Variants in ELL observed in about 807,000 individuals in gnomAD.
ELL encodes the protein RNA polymerase II elongation factor ELL.
In ELL, 18 loss-of-function variants were observed where a neutral mutation model predicts 64.0. The observed-to-expected ratio is 0.28, with a 90% CI of 0.19 to 0.42. ELL has a LOEUF of 0.42. Among genes scored for constraint, ELL ranks in the 10% least tolerant of loss-of-function variants. ELL has a pLI of 1.00. For synonymous variants in ELL, 399 were observed against 376.2 expected (o/e 1.06, Z -0.70); for missense variants, 797 against 870.4 (o/e 0.92, Z 1.06).
chr19:18,507,067 A>C (rs1975897955), intron 1 of ELL, among the ~76,000 whole-genome samples: 1 of 152,228 alleles, frequency 6.6e-6, no homozygotes, highest in Admixed American at 6.5e-5. Context: ...AGCTGGACAC[A>C]GGCTGCCAGC....
rs1044882369 is a variant in ELL at position 18,450,530 on chromosome 19, G to A, written c.1412C>T (p.Pro471Leu). 6.2e-7 allele frequency: 1 copy of A among 1,613,324 alleles called. No individual in the cohort carries two copies. Among genetic ancestry groups the A allele is most frequent in the East Asian group, 2.2e-5 (1 of 44,860 alleles). The change falls in exon 8 of 12, where the codon CCA becomes CTA. Residue 471 changes from proline to leucine, a missense_variant. Coordinates refer to ENST00000262809, the MANE Select transcript of ELL (RefSeq NM_006532.4). ...AAEDKPRAQL[P>L]DCAPATHATP... The stretch of plus-strand genomic sequence containing the variant: ...GGCATGGGTGGCAGGTGCACAGTCT[G>A]GAAGCTGGGCCCGGGGCTTGTCCTC...
At chr19:18,499,034 C>T (rs1201874719) in intron 1 of ELL, among the ~76,000 whole-genome samples, 1 of 152,178 alleles carries the variant, frequency 6.6e-6, no homozygotes, top group East Asian at 1.9e-4. Flanking sequence ...TGCACGCCAC[C>T]CTAGGCCACT....
chr19:18,512,854 C>A (rs1279638511), intron 1 of ELL, among the ~76,000 whole-genome samples: 1 of 152,094 alleles, frequency 6.6e-6, no homozygotes, highest in Non-Finnish European at 1.5e-5. Flanking sequence ...GGGAGCAGCG[C>A]CACCAATGTA....
At chr19:18,454,391 C>A (rs1045406482) in intron 6 of ELL, among the ~76,000 whole-genome samples, 1 of 152,090 alleles carries the variant, frequency 6.6e-6, no homozygotes, top group Non-Finnish European at 1.5e-5. Flanking sequence ...CCCAGCTACT[C>A]GCGAGGCTGA....
At chr19:18,446,512 G>T in intron 9 of ELL, 32 bp from the exon 10 acceptor site, 1 of 1,601,828 alleles carries the variant, frequency 6.2e-7, no homozygotes. Context: ...ACTGAGTGGA[G>T]GCTGGAAGGA....
intron 4 of ELL, among the ~76,000 whole-genome samples, chr19:18,463,047 G>T (rs1229542578): frequency 6.6e-6 from 1 of 152,154 alleles, no homozygotes; most frequent in Non-Finnish European, 1.5e-5. Flanking sequence ...TTGGGAACAG[G>T]GTCGGCCGAG....
intron 1 of ELL, among the ~76,000 whole-genome samples, chr19:18,511,634 G>A (rs953017305): frequency 1.3e-5 from 2 of 152,132 alleles, no homozygotes; most frequent in South Asian, 2.1e-4. Flanking sequence ...CCATACCACC[G>A]GAGGGGGCCT....
chr19:18,493,645 G>A (rs371083497), intron 1 of ELL, among the ~76,000 whole-genome samples: 307 of 152,344 alleles, frequency 2.0e-3, no homozygotes, highest in African/African-American at 6.7e-3. Context: ...CGCCTGGAAG[G>A]GAGGCGTGTG....
intron 1 of ELL, among the ~76,000 whole-genome samples, chr19:18,504,203 G>A (rs1975838308): frequency 6.6e-6 from 1 of 152,216 alleles, no homozygotes; most frequent in Admixed American, 6.5e-5. Flanking sequence ...AGAGAGGCTG[G>A]AGGGGTGAGG....
intron 4 of ELL, 39 bp downstream of exon 4, chr19:18,465,373 G>A (rs756313456): frequency 1.1e-5 from 17 of 1,548,092 alleles, no homozygotes; most frequent in Admixed American, 5.4e-5. Context: ...ACTGGCAGCT[G>A]CCCGGCTGCC....
chr19:18,520,501 A>G (rs181872424), intron 1 of ELL, among the ~76,000 whole-genome samples: 20 of 152,272 alleles, frequency 1.3e-4, no homozygotes, highest in Middle Eastern at 3.4e-3. Flanking sequence ...TGAAATCCTC[A>G]TTCCATGAAG....
intron 7 of ELL, among the ~76,000 whole-genome samples, chr19:18,451,334 C>T (rs191476844): frequency 4.6e-4 from 70 of 152,354 alleles, no homozygotes; most frequent in Middle Eastern, 6.8e-3. Context: ...TCCCAGGTTC[C>T]GCACTGTGAC....
chr19:18,507,999 G>A (rs1975922728), intron 1 of ELL, among the ~76,000 whole-genome samples: 1 of 152,188 alleles, frequency 6.6e-6, no homozygotes, highest in Non-Finnish European at 1.5e-5. Flanking sequence ...GCACATGACT[G>A]TGTTTTGTTT....
rs749093738 is a variant in ELL at position 18,465,786 on chromosome 19, C to T, written c.305+11G>A. 9 of 1,416,016 alleles carry T rather than the reference C, an allele frequency of 6.4e-6. No homozygotes were observed. Among genetic ancestry groups the T allele is most frequent in the Non-Finnish European group, 8.4e-6 (9 of 1,077,718 alleles). 87.7% of individuals were successfully genotyped at this position (1,416,016 alleles called of 1,614,324 possible). Reference sequence around the variant, plus strand: ...GCCGGCGGGGTGCTCTGGGGTGGGGCGGCGCCTCACCTGGAGACATACTGC... The same window carrying T: ...GCCGGCGGGGTGCTCTGGGGTGGGGTGGCGCCTCACCTGGAGACATACTGC... On this transcript the variant is annotated intron_variant, in intron 3 of 11. Transcript: ENST00000262809.
chr19:18,447,319 C>T (rs1379346325), intron 8 of ELL, among the ~76,000 whole-genome samples: 1 of 152,264 alleles, frequency 6.6e-6, no homozygotes, highest in Non-Finnish European at 1.5e-5. Context: ...GCCAGCAGGG[C>T]CTGCATCTCT....
intron 1 of ELL, among the ~76,000 whole-genome samples, chr19:18,520,092 C>T (rs907857008): frequency 1.3e-5 from 2 of 152,102 alleles, no homozygotes; most frequent in Admixed American, 6.6e-5. Flanking sequence ...GTAACCAATA[C>T]CCTAAAGTAA....
At chr19:18,444,893 A>AC in intron 11 of ELL, 25 bp from the exon 12 acceptor site, 2 of 1,597,552 alleles carry the variant, frequency 1.3e-6, no homozygotes. Flanking sequence ...AGTCATGCTC[A>AC]GGACAGAGCC....
At chr19:18,472,747 G>C in intron 2 of ELL, 88 bp downstream of exon 2, 1 of 1,466,680 alleles carries the variant, frequency 6.8e-7, no homozygotes, top group Non-Finnish European at 9.3e-7. Flanking sequence ...ACTGCCATGA[G>C]CTGCTGCTGT....
At position 18,461,632 on chromosome 19, in the gene ELL, C is replaced by T. The variant is rs1568380762; in HGVS notation, c.690G>A (p.Gln230=). The T allele has an allele frequency of 3.1e-6, 5 of 1,611,112 alleles. No individual in the cohort carries two copies. Among genetic ancestry groups the T allele is most frequent in the Non-Finnish European group, 4.2e-6 (5 of 1,179,928 alleles). The change falls in exon 5 of 12, where the codon CAG becomes CAA. Residue 230 remains glutamine, a synonymous_variant. Transcript: ENST00000262809. Reference sequence around the variant, plus strand: ...TGTCCGCCTGCGTCAGGCCGTCCTTCTGCAGTCGCAGCAGCAGCTCAGCCT... The same window carrying T: ...TGTCCGCCTGCGTCAGGCCGTCCTTTTGCAGTCGCAGCAGCAGCTCAGCCT... ...YRKAELLLRL[Q]KDGLTQADKD... is the part of the protein sequence containing the mutation.
Sources: gnomAD v4.1 joint callset for allele counts (sites outside exome capture counted in the v4.1 genomes callset) on GRCh38, gnomAD v4.1.1 for gene constraint, MANE v1.5 for transcripts, NCBI Gene and HGNC (gene_info 2026-07-23, HGNC 2026-07-21) for gene names.